LRP1B: variants seen among roughly 807,000 people sequenced by gnomAD.
LRP1B encodes LDL receptor related protein 1B.
In LRP1B, 217 loss-of-function variants were observed where a neutral mutation model predicts 556.6. That is an observed-to-expected ratio of 0.39 (90% CI 0.35 to 0.44). LRP1B has a LOEUF of 0.44. Among genes scored for constraint, LRP1B ranks in the 20% least tolerant of loss-of-function variants. LRP1B has a pLI of 1.00. For missense variants in LRP1B, 5,053 were observed against 5,620.8 expected (o/e 0.90, Z 3.23); for synonymous variants, 2,047 against 1,865.8 (o/e 1.10, Z -2.50).
intron 2 of LRP1B, among the ~76,000 whole-genome samples, chr2:141,786,199 G>T (rs1695426637): frequency 6.6e-6 from 1 of 151,872 alleles, no homozygotes; most frequent in African/African-American, 2.4e-5. Flanking sequence ...CACTTATGAT[G>T]GCAACTTTTA....
intron 2 of LRP1B, among the ~76,000 whole-genome samples, chr2:141,788,689 C>A (rs535616188): frequency 2.7e-5 from 4 of 150,002 alleles, no homozygotes; most frequent in South Asian, 4.3e-4. Context: ...CCCTTCCCCC[C>A]ACCCCCACCC....
intron 11 of LRP1B, among the ~76,000 whole-genome samples, chr2:141,036,636 A>G (rs4954874): frequency 0.46 from 69,566 of 151,860 alleles, 16,337 homozygotes; most frequent in East Asian, 0.61. Context: ...AGGCAAAGCC[A>G]TATGTCCCTG....
intron 7 of LRP1B, among the ~76,000 whole-genome samples, chr2:141,096,528 C>T (rs1574069269): frequency 2.0e-5 from 3 of 151,838 alleles, no homozygotes; most frequent in Admixed American, 2.0e-4. Flanking sequence ...TTATGTAACA[C>T]ACCTATCTGT....
intron 2 of LRP1B, among the ~76,000 whole-genome samples, chr2:141,603,963 G>A (rs1378354917): frequency 1.3e-5 from 2 of 152,128 alleles, no homozygotes; most frequent in Non-Finnish European, 2.9e-5. Context: ...TAGGAGTCTG[G>A]CTAGATTCCA....
At chr2:140,587,267 G>A (rs545756519) in intron 43 of LRP1B, among the ~76,000 whole-genome samples, 4 of 152,166 alleles carry the variant, frequency 2.6e-5, no homozygotes, top group Admixed American at 6.5e-5. Context: ...TACAAGGAGA[G>A]GAGAAAGCGT....
chr2:140,404,168 CT>C lies in LRP1B; in HGVS notation c.10415-18160del, dbSNP rs68017900. Among the ~76,000 whole-genome samples, 868 of 92,440 alleles carry C rather than the reference CT, an allele frequency of 9.4e-3. 6 individuals are homozygous for C. Among genetic ancestry groups the C allele is most frequent in the African/African-American group, 0.032 (714 of 22,570 alleles). The allele number at this position is 92,440 out of a possible 152,430, so 60.6% of individuals were successfully genotyped here. ...CTGGATCTGTACCAAAATAGAACTTCTTTTTTTTTTTTTTTTTTTTTTTTGA... is the reference window on the plus strand; with the variant it reads ...CTGGATCTGTACCAAAATAGAACTTCTTTTTTTTTTTTTTTTTTTTTTTGA... On this transcript the variant is annotated intron_variant, in intron 66 of 90. Coordinates refer to ENST00000389484, the MANE Select transcript of LRP1B (RefSeq NM_018557.3).
rs1377688274 is a variant in LRP1B at position 141,355,357 on chromosome 2, C to T, written c.344-100716G>A. Among the ~76,000 whole-genome samples the T allele has an allele frequency of 2.0e-5, 3 of 151,964 alleles. No individual in the cohort carries two copies. The East Asian group carries it at 5.8e-4, about 29-fold the overall frequency. On this transcript the variant is annotated intron_variant, in intron 3 of 90. Transcript: ENST00000389484. Reference sequence around the variant, plus strand: ...CCACCCTTATAAAGTGTACAATTCCCTGGTTTTGAGTATACCTATAAAGTT... The same window carrying T: ...CCACCCTTATAAAGTGTACAATTCCTTGGTTTTGAGTATACCTATAAAGTT...
chr2:140,989,423 TC>T (rs1263019709), intron 17 of LRP1B, 108 bp downstream of exon 17: 2 of 1,138,840 alleles, frequency 1.8e-6, no homozygotes, highest in Non-Finnish European at 2.6e-6. Flanking sequence ...ACTGCAATAA[TC>T]AGATCATCAG....
At chr2:141,733,934 T>G (rs545247119) in intron 2 of LRP1B, among the ~76,000 whole-genome samples, 6 of 152,112 alleles carry the variant, frequency 3.9e-5, no homozygotes, top group African/African-American at 1.4e-4. Context: ...TTGCACTTAT[T>G]ACTGTATATA....
chr2:140,794,035 T>C (rs1194692076), intron 32 of LRP1B, among the ~76,000 whole-genome samples: 1 of 152,134 alleles, frequency 6.6e-6, no homozygotes, highest in East Asian at 1.9e-4. Flanking sequence ...ATCTACTAGT[T>C]GTGTTCTCAG....
intron 3 of LRP1B, among the ~76,000 whole-genome samples, chr2:141,469,961 A>G (rs1026376217): frequency 1.3e-5 from 2 of 152,194 alleles, no homozygotes; most frequent in African/African-American, 4.8e-5. Flanking sequence ...GTTCTATTTT[A>G]TGATTATTGA....
At chr2:141,497,205 A>G (rs1683539362) in intron 2 of LRP1B, among the ~76,000 whole-genome samples, 1 of 151,924 alleles carries the variant, frequency 6.6e-6, no homozygotes, top group African/African-American at 2.4e-5. Context: ...TTGTTTCCTT[A>G]TTTTCTCAAA....
intron 7 of LRP1B, among the ~76,000 whole-genome samples, chr2:141,159,229 T>C (rs1238121245): frequency 6.6e-6 from 1 of 152,196 alleles, no homozygotes; most frequent in Non-Finnish European, 1.5e-5. Flanking sequence ...CTCAGAGTGA[T>C]CTTCTTCATT....
In LRP1B at chr2:140,881,269, TGTGTGTGC is replaced by T. The variant is rs1361961269; in HGVS notation, c.4169+2540_4169+2547del. 1.6e-4 allele frequency among the ~76,000 whole-genome samples: 25 copies of T among 151,726 alleles called. No individual in the cohort carries two copies. The South Asian group carries it at 4.8e-3, about 29-fold the overall frequency. Reference sequence around the variant, plus strand: ...TTTGCTGTAAGTGTGTGTGTGTGTGTGTGTGTGCGTGTGTGTCTGCTTATTGTTGCTAT... The same window carrying T: ...TTTGCTGTAAGTGTGTGTGTGTGTGTGTGTGTGTCTGCTTATTGTTGCTAT... On this transcript the variant is annotated intron_variant, in intron 25 of 90. Transcript: ENST00000389484.
intron 3 of LRP1B, among the ~76,000 whole-genome samples, chr2:141,430,700 A>G (rs77322268): frequency 6.6e-6 from 1 of 152,150 alleles, no homozygotes; most frequent in South Asian, 2.1e-4. Context: ...GTCAGAAAAA[A>G]TAAAATATGG....
At position 141,049,099 on chromosome 2, in the gene LRP1B, C is replaced by A. The variant is rs148591302; in HGVS notation, c.1676G>T (p.Arg559Leu). The A allele has an allele frequency of 7.4e-6, 12 of 1,613,344 alleles. No individual in the cohort carries two copies. The highest frequency in any genetic ancestry group is 9.3e-6 in the Non-Finnish European group (11 of 1,179,656). ...GGTTTCTGCGTGAAAGTCTAAAGCA[C>A]GAGGGTTTACCAGATTTTCTATGGG... ...MIPIENLVNP[R>L]ALDFHAETNY... is the part of the protein sequence containing the mutation. The change falls in exon 11 of 91, where the codon CGT becomes CTT. Residue 559 changes from arginine (R) to leucine (L), a missense_variant. This residue lies in a region of LRP1B where 3,619 missense variants were observed against 3,931.9 expected (regional missense o/e 0.92). Transcript: ENST00000389484.
chr2:140,711,117 C>T (rs1445323941), intron 37 of LRP1B, among the ~76,000 whole-genome samples: 1 of 151,978 alleles, frequency 6.6e-6, no homozygotes, highest in Non-Finnish European at 1.5e-5. Flanking sequence ...AAGAAGGAAA[C>T]CTTTTTCTGA....
At chr2:140,376,187 A>G (rs1683221035) in intron 68 of LRP1B, among the ~76,000 whole-genome samples, 1 of 152,144 alleles carries the variant, frequency 6.6e-6, no homozygotes, top group Non-Finnish European at 1.5e-5. Flanking sequence ...ATATATGGAG[A>G]TATATTTAGC....
chr2:140,906,046 C>G (rs1172407321), intron 22 of LRP1B, among the ~76,000 whole-genome samples: 1 of 152,144 alleles, frequency 6.6e-6, no homozygotes, highest in Non-Finnish European at 1.5e-5. Context: ...AAAAGGCAAT[C>G]TAATCCTTTG....
Sources: allele counts gnomAD v4.1 joint callset (sites outside exome capture counted in the v4.1 genomes callset), GRCh38; gene constraint gnomAD v4.1.1; regional missense constraint gnomAD v4.1.1; transcripts MANE v1.5; gene names NCBI Gene and HGNC (gene_info 2026-07-23, HGNC 2026-07-21).